Variants in C1orf21 observed in about 807,000 individuals in gnomAD.
The protein encoded by C1orf21 is chromosome 1 open reading frame 21.
Under a neutral mutation model 18.7 loss-of-function variants are expected in C1orf21, and 3 were observed. The observed-to-expected ratio is 0.16, with a 90% confidence interval of 0.07 to 0.42. The LOEUF is 0.42. Among genes scored for constraint, C1orf21 ranks in the 10% least tolerant of loss-of-function variants. The pLI is 0.99. For missense variants in C1orf21, 104 were observed against 143.6 expected (o/e 0.72, Z 1.41); for synonymous variants, 41 against 46.4 (o/e 0.88, Z 0.47).
At chr1:184,529,412 C>T (rs1658425520) in intron 3 of C1orf21, among the ~76,000 whole-genome samples, 1 of 152,078 alleles carries the variant, frequency 6.6e-6, no homozygotes, top group Non-Finnish European at 1.5e-5. Context: ...ATAATAAGAA[C>T]ATAGAGACAT....
At chr1:184,440,904 C>T (rs1019244155) in intron 1 of C1orf21, among the ~76,000 whole-genome samples, 2 of 152,124 alleles carry the variant, frequency 1.3e-5, no homozygotes, top group African/African-American at 4.8e-5. Context: ...GTCGCATTTC[C>T]TTTTGAATGT....
intron 3 of C1orf21, among the ~76,000 whole-genome samples, chr1:184,532,606 G>A (rs1244136062): frequency 6.6e-6 from 1 of 152,118 alleles, no homozygotes; most frequent in African/African-American, 2.4e-5. Context: ...AATTAGCCAA[G>A]CCTGATGGCA....
At chr1:184,454,716 G>C (rs1483742187) in intron 1 of C1orf21, among the ~76,000 whole-genome samples, 1 of 152,010 alleles carries the variant, frequency 6.6e-6, no homozygotes, top group Non-Finnish European at 1.5e-5. Context: ...CTCCCCCTTT[G>C]CCATCTACCA....
At chr1:184,423,321 A>G (rs1250472707) in intron 1 of C1orf21, among the ~76,000 whole-genome samples, 2 of 152,220 alleles carry the variant, frequency 1.3e-5, no homozygotes, top group Non-Finnish European at 2.9e-5. Context: ...TACAAAACAG[A>G]TAACTTTGTG....
At chr1:184,556,065 AC>A (rs888414466) in intron 3 of C1orf21, among the ~76,000 whole-genome samples, 4 of 150,708 alleles carry the variant, frequency 2.7e-5, no homozygotes, top group South Asian at 4.2e-4. Context: ...CTCCCTCACC[AC>A]CCCCCCAACC....
chr1:184,403,598 A>G (rs1199642697), intron 1 of C1orf21, among the ~76,000 whole-genome samples: 1 of 152,242 alleles, frequency 6.6e-6, no homozygotes, highest in Non-Finnish European at 1.5e-5. Flanking sequence ...TTATACATGT[A>G]TTATGTGATT....
chr1:184,446,890 C>T lies in C1orf21; in HGVS notation c.-124-30496C>T, dbSNP rs1332081872. 9.7e-5 allele frequency among the ~76,000 whole-genome samples: 12 copies of T among 123,470 alleles called. No individual in the cohort carries two copies. In the South Asian group the frequency reaches 9.9e-4, roughly 10 times the overall value. The allele number at this position is 123,470 out of a possible 152,430, so 81.0% of individuals were successfully genotyped here. A position where few individuals can be genotyped will look rare whatever the true frequency, so the allele number is the denominator to read the frequency against. On this transcript the variant is annotated intron_variant, in intron 1 of 5. Transcript: ENST00000235307. Reference sequence around the variant, plus strand: ...TTTTTGGAGACAGGTACTGATATTTCGGGATGAAACGATGACTTGATAATT... The same window carrying T: ...TTTTTGGAGACAGGTACTGATATTTTGGGATGAAACGATGACTTGATAATT...
At chr1:184,437,920 CAT>C (rs752363047) in intron 1 of C1orf21, among the ~76,000 whole-genome samples, 2 of 152,092 alleles carry the variant, frequency 1.3e-5, no homozygotes, top group African/African-American at 4.8e-5. Context: ...AGATCCCTCT[CAT>C]GTGCAGTTCA....
At chr1:184,411,738 TAAG>T (rs1358425434) in intron 1 of C1orf21, among the ~76,000 whole-genome samples, 1 of 152,176 alleles carries the variant, frequency 6.6e-6, no homozygotes, top group Non-Finnish European at 1.5e-5. Context: ...GGGTATTTCT[TAAG>T]AAGCCATATA....
chr1:184,399,869 C>T (rs1187372975), intron 1 of C1orf21, among the ~76,000 whole-genome samples: 1 of 152,206 alleles, frequency 6.6e-6, no homozygotes, highest in Non-Finnish European at 1.5e-5. Context: ...GAATTTTTCT[C>T]TCAAGAAACC....
intron 2 of C1orf21, among the ~76,000 whole-genome samples, chr1:184,496,479 G>A (rs1217273018): frequency 6.6e-6 from 1 of 152,192 alleles, no homozygotes; most frequent in Non-Finnish European, 1.5e-5. Flanking sequence ...CAGTGGGAGC[G>A]GTGGAGAGTC....
chr1:184,465,249 T>G (rs1657372591), intron 1 of C1orf21, among the ~76,000 whole-genome samples: 1 of 152,190 alleles, frequency 6.6e-6, no homozygotes, highest in South Asian at 2.1e-4. Context: ...CTTAGAAAAT[T>G]AATGTGATAA....
At chr1:184,473,988 A>G (rs1657533869) in intron 1 of C1orf21, among the ~76,000 whole-genome samples, 1 of 152,228 alleles carries the variant, frequency 6.6e-6, no homozygotes, top group African/African-American at 2.4e-5. Flanking sequence ...TAAATGAATG[A>G]ATAATTGGAC....
chr1:184,482,202 A>T (rs1311463868), intron 2 of C1orf21, among the ~76,000 whole-genome samples: 1 of 152,148 alleles, frequency 6.6e-6, no homozygotes, highest in Non-Finnish European at 1.5e-5. Context: ...TACAGCTGGG[A>T]TCTCAGCTGA....
Position 184,533,945 on chromosome 1 carries a change from T to C in C1orf21, c.189+26263T>C, listed in dbSNP as rs143534664. ...ATACTCAGACCTATGGGGACAGAAG[T>C]TGGTTGGCAGAGTAAAGTCATGTGA... is the stretch of plus-strand genomic sequence containing the variant. On this transcript the variant is annotated intron_variant, in intron 3 of 5. Transcript: ENST00000235307. Among the ~76,000 whole-genome samples, 799 of 152,258 alleles carry C rather than the reference T, an allele frequency of 5.2e-3. 2 individuals are homozygous for C. Among genetic ancestry groups the C allele is most frequent in the Non-Finnish European group, 7.3e-3 (499 of 68,018 alleles).
intron 3 of C1orf21, among the ~76,000 whole-genome samples, chr1:184,536,763 G>T (rs944749849): frequency 1.6e-4 from 25 of 151,850 alleles, no homozygotes; most frequent in Admixed American, 1.6e-3. Context: ...TTTGAAGGTG[G>T]CAGAGGAGGT....
rs1196005469 is a variant in C1orf21 at position 184,577,957 on chromosome 1, T to TG, written c.190-12782_190-12781insG. 1.8e-3 allele frequency among the ~76,000 whole-genome samples: 263 copies of TG among 144,372 alleles called. 5 individuals carry two copies. Among genetic ancestry groups the TG allele is most frequent in the African/African-American group, 6.6e-3 (257 of 38,748 alleles). 94.7% of individuals were successfully genotyped at this position (144,372 alleles called of 152,430 possible). A position where few individuals can be genotyped will look rare whatever the true frequency, so the allele number is the denominator to read the frequency against. On this transcript the variant is annotated intron_variant, in intron 3 of 5. Transcript: ENST00000235307. ...TTTGTTTTTTGTTTTGTTTTTGTTT[T>TG]TTTTTTTTTTTTTTGAGACAGAGTC...
At chr1:184,583,351 A>C (rs1659305256) in intron 3 of C1orf21, among the ~76,000 whole-genome samples, 1 of 152,238 alleles carries the variant, frequency 6.6e-6, no homozygotes, top group South Asian at 2.1e-4. Context: ...CTTCAAGCAA[A>C]GGAAAAAATT....
chr1:184,607,806 TAAGTG>T (rs1169437270), intron 5 of C1orf21, among the ~76,000 whole-genome samples: 1 of 151,798 alleles, frequency 6.6e-6, no homozygotes, highest in African/African-American at 2.4e-5. Context: ...ATACAATTAT[TAAGTG>T]AAGAGAGGAT....
Sources: gnomAD v4.1 joint callset for allele counts (sites outside exome capture counted in the v4.1 genomes callset) on GRCh38, gnomAD v4.1.1 for gene constraint, MANE v1.5 for transcripts, NCBI Gene and HGNC (gene_info 2026-07-23, HGNC 2026-07-21) for gene names.